The following CFAP74 variants were observed in gnomAD, a reference collection of about 807,000 sequenced individuals.
The protein encoded by CFAP74 is cilia- and flagella-associated protein 74.
In CFAP74, 124 loss-of-function variants were observed where a neutral mutation model predicts 188.9. The ratio of observed to expected loss-of-function variants is 0.66; its 90% confidence interval spans 0.57 to 0.76. The LOEUF is 0.76. Among genes scored for constraint, CFAP74 ranks in the 30% least tolerant of loss-of-function variants. The pLI, the probability that CFAP74 is intolerant of heterozygous loss-of-function variation, is 0.00. For synonymous variants in CFAP74, 956 were observed against 916.7 expected, an observed-to-expected ratio of 1.04 and a Z score of -0.77; for missense variants, 2,198 against 2,165.2, an observed-to-expected ratio of 1.02 and a Z score of -0.30.
intron 25 of CFAP74, among the ~76,000 whole-genome samples, chr1:1,938,160 C>A (rs1570856000): frequency 6.6e-6 from 1 of 150,856 alleles, no homozygotes; most frequent in African/African-American, 2.4e-5. Context: ...CACTCACACT[C>A]AACCTTACAC....
At position 1,931,361 on chromosome 1, in the gene CFAP74, C is replaced by T. The variant is rs187711859; in HGVS notation, c.3012-1025G>A. On this transcript the variant is annotated intron_variant, in intron 25 of 38. Transcript: ENST00000682832. ...AGGAGAATGGCGTGAATCCTGGAGA[C>T]GGAGCTTGCAGTGAGCTGAGATCGC... Among the ~76,000 whole-genome samples the T allele has an allele frequency of 3.9e-3, 566 of 143,536 alleles. 3 individuals are homozygous for T. The highest frequency in any genetic ancestry group is 8.8e-3 in the African/African-American group (336 of 38,254). 94.2% of individuals were successfully genotyped at this position (143,536 alleles called of 152,430 possible). A position where few individuals can be genotyped will look rare whatever the true frequency, so the allele number is the denominator to read the frequency against.
At chr1:1,974,827 T>C (rs962286316) in intron 6 of CFAP74, among the ~76,000 whole-genome samples, 20 of 152,206 alleles carry the variant, frequency 1.3e-4, no homozygotes, top group African/African-American at 4.3e-4. Context: ...GTTGGAGGAG[T>C]GCGTGTGCTG....
In CFAP74 at chr1:1,975,759, T is replaced by G. The variant is rs1018029959; in HGVS notation, c.501-1561A>C. Among the ~76,000 whole-genome samples the G allele has an allele frequency of 2.0e-5, 3 of 152,130 alleles. No individual in the cohort carries two copies. Among genetic ancestry groups the G allele is most frequent in the Non-Finnish European group, 4.4e-5 (3 of 68,010 alleles). ...CTCATGAAATTCTTTAATCTGAGGATTCATGCTCCCATCAATTCTGGAAAA... is the reference window on the plus strand; with the variant it reads ...CTCATGAAATTCTTTAATCTGAGGAGTCATGCTCCCATCAATTCTGGAAAA... On this transcript the variant is annotated intron_variant, in intron 6 of 38. Transcript: ENST00000682832. The surrounding 1 kb of genome is among the most constrained non-coding windows in gnomAD (Gnocchi z 4.5).
chr1:1,927,997 G>T (rs1652052915), intron 27 of CFAP74: 1 of 521,928 alleles, frequency 1.9e-6, no homozygotes, highest in Non-Finnish European at 3.5e-6. Context: ...GGAGTGAGGA[G>T]GCGGCCAGAA....
chr1:1,930,060 C>G lies in CFAP74; in HGVS notation c.3288G>C (p.Lys1096Asn), dbSNP rs1652239282. Residue 1096 changes from lysine (K) to asparagine (N), a missense_variant and splice_region_variant, in exon 26 of 39, where the codon AAG becomes AAC. Transcript: ENST00000682832. ...SPSVGTVWPG[K>N]RCLVQVAFRP... ...GCCTGCATGTGGGGCCCACACCCAC[C>G]TTTCCTGGCCACACGGTCCCCACTG... is the stretch of plus-strand genomic sequence containing the variant. 1 of 1,512,492 alleles carries G rather than the reference C, an allele frequency of 6.6e-7. No individual in the cohort carries two copies. Among genetic ancestry groups the G allele is most frequent in the South Asian group, 1.2e-5 (1 of 81,846 alleles). 93.7% of individuals were successfully genotyped at this position (1,512,492 alleles called of 1,614,324 possible). A position where few individuals can be genotyped will look rare whatever the true frequency, so the allele number is the denominator to read the frequency against.
intron 8 of CFAP74, among the ~76,000 whole-genome samples, 164 bp downstream of exon 8, chr1:1,972,773 G>C (rs941699617): frequency 6.6e-6 from 1 of 152,232 alleles, no homozygotes; most frequent in African/African-American, 2.4e-5. Context: ...TTGAACCCGG[G>C]AGGCGGAGCA....
intron 1 of CFAP74, among the ~76,000 whole-genome samples, chr1:1,996,467 G>C (rs1299876199): frequency 1.3e-5 from 2 of 152,186 alleles, no homozygotes; most frequent in African/African-American, 2.4e-5. Context: ...AATTCACCAG[G>C]AAGACTCAGC....
intron 6 of CFAP74, among the ~76,000 whole-genome samples, chr1:1,981,633 G>A (rs1320303524): frequency 2.3e-4 from 15 of 64,644 alleles, no homozygotes; most frequent in South Asian, 5.5e-4. Context: ...ACGGGGGCAC[G>A]CAGGACACAC....
intron 6 of CFAP74, chr1:1,984,937 ACTT>A: frequency 6.0e-6 from 1 of 167,160 alleles, no homozygotes; most frequent in East Asian, 1.6e-4. Flanking sequence ...CGGGAGTCCT[ACTT>A]GAGGTCAGCT....
At chr1:1,949,725 G>A (rs1489333468) in intron 18 of CFAP74, among the ~76,000 whole-genome samples, 1 of 151,876 alleles carries the variant, frequency 6.6e-6, no homozygotes, top group African/African-American at 2.4e-5. Context: ...CCTTTTTTTA[G>A]CCAAAATATT....
At chr1:1,957,243 T>C (rs28499066) in intron 16 of CFAP74, among the ~76,000 whole-genome samples, 25,887 of 152,154 alleles carry the variant, frequency 0.17, 4,520 homozygotes, top group African/African-American at 0.44. Flanking sequence ...GAAGCTCTGG[T>C]GCTGGCTAAG....
intron 1 of CFAP74, among the ~76,000 whole-genome samples, chr1:1,995,239 C>G (rs1657853019): frequency 6.6e-6 from 1 of 152,198 alleles, no homozygotes; most frequent in African/African-American, 2.4e-5. Context: ...TGGCTCACAC[C>G]TGTAATCCCA....
chr1:1,927,833 G>A, intron 27 of CFAP74, 87 bp from the exon 28 acceptor site: 1 of 1,418,212 alleles, frequency 7.1e-7, no homozygotes, highest in Non-Finnish European at 9.4e-7. Flanking sequence ...GCCAGTGCGG[G>A]AACCGCGGGA....
At chr1:1,999,035 T>C (rs1163259805) in intron 1 of CFAP74, among the ~76,000 whole-genome samples, 1 of 152,038 alleles carries the variant, frequency 6.6e-6, no homozygotes, top group African/African-American at 2.4e-5. Context: ...CCAACAGAAA[T>C]GTGTGTGTGT....
intron 1 of CFAP74, among the ~76,000 whole-genome samples, chr1:1,998,782 T>A (rs959294062): frequency 6.6e-6 from 1 of 151,440 alleles, no homozygotes; most frequent in African/African-American, 2.4e-5. Flanking sequence ...GAGGCTGAGG[T>A]AGGAGAATGG....
At chr1:2,001,518 C>T (rs892486225) in intron 1 of CFAP74, among the ~76,000 whole-genome samples, 3 of 151,984 alleles carry the variant, frequency 2.0e-5, no homozygotes, top group Non-Finnish European at 2.9e-5. Context: ...TTAGTAGAGA[C>T]GGTTTCACCG....
chr1:1,977,806 AT>A (rs746129764), intron 6 of CFAP74, among the ~76,000 whole-genome samples: 75 of 152,212 alleles, frequency 4.9e-4, no homozygotes, highest in Non-Finnish European at 1.3e-4. Context: ...TGCAGAAGGA[AT>A]CCAAATGTTT....
At chr1:1,934,563 AC>A (rs1652693240) in intron 25 of CFAP74, among the ~76,000 whole-genome samples, 1 of 149,764 alleles carries the variant, frequency 6.7e-6, no homozygotes, top group Non-Finnish European at 1.5e-5. Flanking sequence ...GTAGGTACAC[AC>A]GTGTGTACGT....
intron 6 of CFAP74, among the ~76,000 whole-genome samples, chr1:1,976,661 G>A (rs28789409): frequency 1.1e-4 from 17 of 151,970 alleles, no homozygotes; most frequent in Non-Finnish European, 1.9e-4. Context: ...TCCCGCCTCA[G>A]CCTCTTGAAT....
Sources: allele counts gnomAD v4.1 joint callset (sites outside exome capture counted in the v4.1 genomes callset), GRCh38; gene constraint gnomAD v4.1.1; non-coding constraint Gnocchi (gnomAD v3.1); transcripts MANE v1.5; gene names NCBI Gene and HGNC (gene_info 2026-07-23, HGNC 2026-07-21).